TBC1D5: variants seen among roughly 807,000 people sequenced by gnomAD.
TBC1D5 encodes TBC1 domain family, member 5.
Under a neutral mutation model 100.3 loss-of-function variants are expected in TBC1D5, and 75 were observed. The ratio of observed to expected loss-of-function variants is 0.75; its 90% CI spans 0.62 to 0.91. The LOEUF is 0.91. TBC1D5 is among the 40% of genes least tolerant of loss of function. The pLI is 0.00. For synonymous variants in TBC1D5, 323 were observed against 325.6 expected, an observed-to-expected ratio of 0.99 and a Z score of 0.09; for missense variants, 910 against 942.4, an observed-to-expected ratio of 0.97 and a Z score of 0.45.
intron 13 of TBC1D5, among the ~76,000 whole-genome samples, chr3:17,321,526 A>G (rs2085402812): frequency 6.6e-6 from 1 of 152,172 alleles, no homozygotes; most frequent in African/African-American, 2.4e-5. Flanking sequence ...ATTACTTGAG[A>G]TGAATATTTA....
At chr3:17,258,636 C>T (rs1388680205) in intron 15 of TBC1D5, 45 bp from the exon 16 acceptor site, 1 of 1,498,516 alleles carries the variant, frequency 6.7e-7, no homozygotes, top group African/African-American at 1.4e-5. Flanking sequence ...ATGATTTAAT[C>T]CATTAACATA....
At chr3:17,284,499 A>G (rs2080968534) in intron 15 of TBC1D5, among the ~76,000 whole-genome samples, 1 of 152,172 alleles carries the variant, frequency 6.6e-6, no homozygotes, top group African/African-American at 2.4e-5. Flanking sequence ...TAAGAGCCAT[A>G]TGTATTTTTT....
At chr3:17,312,611 G>A (rs1370387297) in intron 13 of TBC1D5, among the ~76,000 whole-genome samples, 1 of 152,114 alleles carries the variant, frequency 6.6e-6, no homozygotes, top group East Asian at 1.9e-4. Flanking sequence ...TACATGAACT[G>A]TTAAAAGTCT....
At chr3:17,375,594 CCTAATA>C (rs1217697986) in intron 10 of TBC1D5, among the ~76,000 whole-genome samples, 1 of 150,398 alleles carries the variant, frequency 6.6e-6, no homozygotes, top group Non-Finnish European at 1.5e-5. Flanking sequence ...ACAACAGGAT[CCTAATA>C]CTAACTTCAT....
chr3:17,579,444 T>C (rs186622644), intron 2 of TBC1D5, among the ~76,000 whole-genome samples: 17 of 152,182 alleles, frequency 1.1e-4, no homozygotes, highest in African/African-American at 4.1e-4. Flanking sequence ...GTGTACTAAG[T>C]GCCACAAGAG....
chr3:17,458,403 T>G (rs1054816394), intron 3 of TBC1D5, among the ~76,000 whole-genome samples: 3 of 152,104 alleles, frequency 2.0e-5, no homozygotes, highest in Admixed American at 2.0e-4. Flanking sequence ...GCTGTAATAT[T>G]CCCCCTGTTC....
chr3:17,244,137 G>T (rs956737653), intron 16 of TBC1D5, among the ~76,000 whole-genome samples: 1 of 152,116 alleles, frequency 6.6e-6, no homozygotes, highest in African/African-American at 2.4e-5. Flanking sequence ...TGATAAAACA[G>T]GCTTCATTTA....
At chr3:17,731,504 C>CAAAAAA (rs11306215) in intron 1 of TBC1D5, among the ~76,000 whole-genome samples, 1 of 90,852 alleles carries the variant, frequency 1.1e-5, no homozygotes, top group African/African-American at 4.3e-5. Context: ...GACTCTGTCT[C>CAAAAAA]AAAAAAAAAA....
intron 13 of TBC1D5, among the ~76,000 whole-genome samples, chr3:17,310,108 C>T (rs1166958562): frequency 6.6e-6 from 1 of 152,036 alleles, no homozygotes; most frequent in Non-Finnish European, 1.5e-5. Flanking sequence ...CAAAGTAGCC[C>T]ATTTCCTAGA....
At position 17,692,248 on chromosome 3, in the gene TBC1D5, T is replaced by C. The variant is rs575468025; in HGVS notation, c.-101+47095A>G. Among the ~76,000 whole-genome samples, 3 of 152,144 alleles carry C rather than the reference T, an allele frequency of 2.0e-5. No homozygotes were observed. The South Asian group carries it at 6.2e-4, about 32-fold the overall frequency. ...GTGGGTTTACAAGCATCTGCCACCA[T>C]GCCCAGCTAATTTTTGTATTTTTAG... On this transcript the variant is annotated intron_variant, in intron 1 of 21. Transcript: ENST00000253692.
At chr3:17,658,275 T>C (rs2066288813) in intron 1 of TBC1D5, among the ~76,000 whole-genome samples, 1 of 152,248 alleles carries the variant, frequency 6.6e-6, no homozygotes, top group Admixed American at 6.5e-5. Context: ...AATTAGCTAT[T>C]TGATTTCCTG....
chr3:17,490,209 A>G (rs2095621301), intron 3 of TBC1D5, among the ~76,000 whole-genome samples: 1 of 151,992 alleles, frequency 6.6e-6, no homozygotes, highest in Admixed American at 6.5e-5. Flanking sequence ...TTTCTTGTAA[A>G]TTTGTATAAG....
intron 1 of TBC1D5, among the ~76,000 whole-genome samples, chr3:17,719,719 G>A (rs1341535306): frequency 1.3e-5 from 2 of 151,970 alleles, no homozygotes; most frequent in African/African-American, 4.8e-5. Context: ...TAAAACAGAG[G>A]CTCACTCAAA....
intron 2 of TBC1D5, among the ~76,000 whole-genome samples, chr3:17,592,357 G>T (rs750379517): frequency 6.6e-6 from 1 of 152,212 alleles, no homozygotes; most frequent in Non-Finnish European, 1.5e-5. Flanking sequence ...AGACATTTGC[G>T]TGTCAGAGGA....
At chr3:17,439,430 T>C (rs2094598225) in intron 3 of TBC1D5, among the ~76,000 whole-genome samples, 1 of 152,136 alleles carries the variant, frequency 6.6e-6, no homozygotes, top group Admixed American at 6.5e-5. Context: ...AAAGCCTAAA[T>C]AAAGAAGTGA....
intron 3 of TBC1D5, among the ~76,000 whole-genome samples, chr3:17,474,919 G>A (rs73153028): frequency 2.0e-5 from 3 of 151,892 alleles, no homozygotes; most frequent in East Asian, 1.9e-4. Flanking sequence ...TTTTTTTAAC[G>A]TAACAATGTG....
intron 1 of TBC1D5, among the ~76,000 whole-genome samples, chr3:17,643,748 T>C (rs1335021785): frequency 6.6e-6 from 1 of 152,136 alleles, no homozygotes; most frequent in African/African-American, 2.4e-5. Flanking sequence ...TTTGGAAGGA[T>C]CTGTGTTTGA....
intron 1 of TBC1D5, among the ~76,000 whole-genome samples, chr3:17,657,575 T>G (rs1292481980): frequency 6.6e-6 from 1 of 152,106 alleles, no homozygotes; most frequent in Non-Finnish European, 1.5e-5. Flanking sequence ...GACCTCGTGA[T>G]CTGCCCGCCT....
intron 2 of TBC1D5, among the ~76,000 whole-genome samples, chr3:17,574,178 A>T (rs1052490469): frequency 6.6e-6 from 1 of 151,972 alleles, no homozygotes; most frequent in African/African-American, 2.4e-5. Context: ...TTCCTGAAAA[A>T]GACCAATCAG....
Sources: allele counts gnomAD v4.1 joint callset (sites outside exome capture counted in the v4.1 genomes callset), GRCh38; gene constraint gnomAD v4.1.1; transcripts MANE v1.5; gene names NCBI Gene and HGNC (gene_info 2026-07-23, HGNC 2026-07-21).